The following TEP1 variants were observed in gnomAD, a reference collection of about 807,000 sequenced individuals.
The protein encoded by TEP1 is telomerase protein component 1.
TEP1 carries 241 observed loss-of-function variants against 306.3 expected under a neutral mutation model. The observed-to-expected ratio is 0.79, with a 90% CI of 0.71 to 0.88. The LOEUF (loss-of-function observed/expected upper bound fraction) is 0.88. TEP1 is among the 40% of genes least tolerant of loss of function. The pLI is 0.00. For synonymous variants in TEP1, 1,289 were observed against 1,305.5 expected (o/e 0.99, Z 0.27); for missense variants, 3,051 against 3,276.1 (o/e 0.93, Z 1.68).
chr14:20,381,648 C>T lies in TEP1; in HGVS notation c.4463G>A (p.Arg1488Gln), dbSNP rs746010165. Reference sequence around the variant, plus strand: ...CAGGGGCCCATCAGGGAGGCACAGCCGGGCACCAGGGCGCTCCAGAGGGCC... The same window carrying T: ...CAGGGGCCCATCAGGGAGGCACAGCTGGGCACCAGGGCGCTCCAGAGGGCC... ...GEGPLERPGARLCLPDGPLRT... is the reference protein window; with the variant it reads ...GEGPLERPGAQLCLPDGPLRT... Residue 1488 changes from arginine to glutamine, a missense_variant, in exon 31 of 55, where the codon CGG becomes CAG. Around this residue, in one of 3 missense-constraint regions of TEP1, gnomAD observed 1,540 missense variants for 1,705.9 expected, o/e 0.90. Coordinates refer to ENST00000262715, the MANE Select transcript of TEP1 (RefSeq NM_007110.5). This position sits in a 1 kb window ranked among gnomAD's most constrained non-coding sequence, Gnocchi z 4.0. The T allele has an allele frequency of 2.7e-5, 43 of 1,613,402 alleles. No individual in the cohort carries two copies. The highest frequency in any genetic ancestry group is 3.1e-5 in the Non-Finnish European group (37 of 1,179,782).
intron 1 of TEP1, among the ~76,000 whole-genome samples, chr14:20,412,722 T>C (rs117467335): frequency 0.011 from 1,602 of 148,352 alleles, 20 homozygotes; most frequent in Non-Finnish European, 0.017. Flanking sequence ...TCTGGCTCTG[T>C]TGTTCAGCTC....
intron 21 of TEP1, 100 bp from the exon 22 acceptor site, chr14:20,384,813 A>G: frequency 6.8e-7 from 1 of 1,478,052 alleles, no homozygotes; most frequent in East Asian, 2.3e-5. Context: ...AAGCTCCTCA[A>G]GTAGAGAGCT....
intron 19 of TEP1, 42 bp from the exon 20 acceptor site, chr14:20,386,237 CA>C (rs1022534083): frequency 5.0e-6 from 8 of 1,612,868 alleles, no homozygotes; most frequent in Non-Finnish European, 6.8e-6. Context: ...TCACTGGGGG[CA>C]TGGTATCAGG....
rs758597044 is a variant in TEP1, at chr14:20,395,881, G to A, written c.1728C>T (p.Leu576=). Residue 576 remains leucine, a synonymous_variant, in exon 11 of 55, where the codon CTC becomes CTT. Transcript: ENST00000262715. The stretch of plus-strand genomic sequence containing the variant: ...TACCTTGATTTCTGAGTTGAGCCTC[G>A]AGGGCATCAATGGCATCATGGGCGT... The part of the protein sequence containing the change: ...FLNAHDAIDA[L]EAQLRNQALP... 23 of 1,613,918 alleles carry A rather than the reference G, an allele frequency of 1.4e-5. No individual in the cohort carries two copies. The highest frequency in any genetic ancestry group is 5.0e-5 in the Admixed American group (3 of 59,972).
rs776465334 is a variant in TEP1, at chr14:20,381,977, C to T, written c.4360G>A (p.Ala1454Thr). ...GTKSWEEAVA[A>T]GNSGDPYPMG... ...GGGTAGGGGTCTCCACTGTTACCAG[C>T]AGCCACTGCTTCTTCCCAGCTCTTA... The change falls in exon 30 of 55, where the codon GCT becomes ACT. Residue 1454 changes from alanine (A) to threonine (T), a missense_variant. Around this residue, in one of 3 missense-constraint regions of TEP1, gnomAD observed 1,540 missense variants for 1,705.9 expected, o/e 0.90. Transcript: ENST00000262715. This position sits in a 1 kb window ranked among gnomAD's most constrained non-coding sequence, Gnocchi z 4.0. 4 of 1,614,172 alleles carry T rather than the reference C, an allele frequency of 2.5e-6. No homozygotes were observed. The Admixed American group carries it at 6.7e-5, about 27-fold the overall frequency.
chr14:20,378,249 G>T lies in TEP1; in HGVS notation c.5509-13C>A, dbSNP rs781627267. 1 of 1,613,534 alleles carries T rather than the reference G, an allele frequency of 6.2e-7. No homozygotes were observed. The highest frequency in any genetic ancestry group is 1.1e-5 in the South Asian group (1 of 91,076). ...GTGCCCCCAGGTCCTACACAGGGAG[G>T]TAGAAATGGAAACGTGAAGACCTGC... On this transcript the variant is annotated splice_polypyrimidine_tract_variant and intron_variant, in intron 38 of 54. Coordinates refer to ENST00000262715, the MANE Select transcript of TEP1 (RefSeq NM_007110.5).
In TEP1 at chr14:20,378,985, A is replaced by G. The variant is rs548825552; in HGVS notation, c.5248T>C (p.Cys1750Arg). The G allele has an allele frequency of 1.4e-3, 2,230 of 1,614,176 alleles. 44 individuals carry two copies. In the South Asian group the frequency reaches 0.023, roughly 16 times the overall value. ...CAAATGGGGAGGACCCCTTACCGAC[A>G]ACCATGCTGCAGGTCCCAGAGCTCC... ...LLELWDLQHG[C>R]RVLQTKAHQY... Residue 1750 changes from cysteine (C) to arginine (R), a missense_variant, in exon 36 of 55, where the codon TGT becomes CGT. Around this residue, in one of 3 missense-constraint regions of TEP1, gnomAD observed 1,540 missense variants for 1,705.9 expected, o/e 0.90. Transcript: ENST00000262715.
chr14:20,397,517 A>T (rs1188918137), intron 9 of TEP1, among the ~76,000 whole-genome samples: 2 of 152,224 alleles, frequency 1.3e-5, no homozygotes, highest in Non-Finnish European at 2.9e-5. Flanking sequence ...TCCAAAAAAA[A>T]AATTAAAAAA....
At chr14:20,412,350 A>G (rs1434259391) in intron 1 of TEP1, among the ~76,000 whole-genome samples, 1 of 152,164 alleles carries the variant, frequency 6.6e-6, no homozygotes, top group African/African-American at 2.4e-5. Flanking sequence ...AGACTGTCCT[A>G]TCCTTAAAAG....
At chr14:20,385,215 T>C in intron 20 of TEP1, 106 bp from the exon 21 acceptor site, 8 of 1,418,656 alleles carry the variant, frequency 5.6e-6, no homozygotes, top group Non-Finnish European at 7.7e-6. Context: ...TCCTCTCTCC[T>C]TCCCTCCAGG....
chr14:20,400,205 C>G (rs926498151), intron 9 of TEP1, among the ~76,000 whole-genome samples: 8 of 145,468 alleles, frequency 5.5e-5, no homozygotes, highest in Admixed American at 4.1e-4. Flanking sequence ...CCCCTTTATT[C>G]TACTCCACCC....
In TEP1 at chr14:20,373,288, G is replaced by C; in HGVS notation, c.6796C>G (p.Gln2266Glu). The C allele has an allele frequency of 2.5e-6, 4 of 1,614,142 alleles. No homozygotes were observed. The highest frequency in any genetic ancestry group is 3.4e-6 in the Non-Finnish European group (4 of 1,180,016). Residue 2266 changes from glutamine (Q) to glutamate (E), a missense_variant, in exon 47 of 55, where the codon CAG becomes GAG. By Grantham distance (29) the Gln-to-Glu change is conservative (BLOSUM62 2). This residue lies in a region of TEP1 where 1,540 missense variants were observed against 1,705.9 expected (regional missense o/e 0.90). Transcript: ENST00000262715. ...CACTCACCTGCTTCCTTAGGAACCT[G>C]CCAGAGCCGTACAGAACCATCCTCA... Reference protein sequence around the residue: ...ASEDGSVRLWQVPKEADDTCI... With the variant: ...ASEDGSVRLWEVPKEADDTCI...
rs1876485064 is a variant in TEP1, at chr14:20,381,100, C to T, written c.4648-55G>A. On this transcript the variant is annotated intron_variant, in intron 32 of 54. Transcript: ENST00000262715. The surrounding 1 kb of genome is among the most constrained non-coding windows in gnomAD (Gnocchi z 4.0). ...ATATGAAGGGGCTGGTGAGAAGGGACAGTTTAGTCTCAGAACCTGGATACA... is the reference window on the plus strand; with the variant it reads ...ATATGAAGGGGCTGGTGAGAAGGGATAGTTTAGTCTCAGAACCTGGATACA... The T allele has an allele frequency of 6.9e-7, 1 of 1,446,014 alleles. No homozygotes were observed. Among genetic ancestry groups the T allele is most frequent in the Admixed American group, 1.7e-5 (1 of 58,932 alleles). 89.6% of individuals were successfully genotyped at this position (1,446,014 alleles called of 1,614,324 possible).
intron 12 of TEP1, 67 bp downstream of exon 12, chr14:20,395,383 T>A (rs1878108544): frequency 1.4e-6 from 2 of 1,441,678 alleles, no homozygotes. Flanking sequence ...GATTCCCAGA[T>A]GACTTCCAAC....
rs896896480 is a variant in TEP1, at chr14:20,381,758, C to A, written c.4425-72G>T. On this transcript the variant is annotated intron_variant, in intron 30 of 54. Transcript: ENST00000262715. This position sits in a 1 kb window ranked among gnomAD's most constrained non-coding sequence, Gnocchi z 4.0. The stretch of plus-strand genomic sequence containing the variant: ...AGTGAGCTTCCTGGCACACAGTGGG[C>A]TCCTATTCCCCCCTCAAATAGCGGA... 9 of 1,535,230 alleles carry A rather than the reference C, an allele frequency of 5.9e-6. No individual in the cohort carries two copies. The highest frequency in any genetic ancestry group is 7.9e-6 in the Non-Finnish European group (9 of 1,145,194).
At chr14:20,411,820 A>T (rs1366398667) in intron 1 of TEP1, among the ~76,000 whole-genome samples, 1 of 152,142 alleles carries the variant, frequency 6.6e-6, no homozygotes, top group Non-Finnish European at 1.5e-5. Context: ...ACCATCAGGA[A>T]CCTATTTTCT....
Position 20,391,620 on chromosome 14 carries a change from A to T in TEP1, c.2076T>A (p.Cys692Ter), listed in dbSNP as rs779291569. The T allele has an allele frequency of 2.5e-6, 4 of 1,613,890 alleles. No homozygotes were observed. Among genetic ancestry groups the T allele is most frequent in the Non-Finnish European group, 3.4e-6 (4 of 1,179,946 alleles). Residue 692 changes from cysteine to a stop codon, truncating the protein, a stop_gained, in exon 13 of 55, where the codon TGT becomes TGA. Transcript: ENST00000262715. LOFTEE classifies it high-confidence loss of function. ...YLTDANADRL[C>*]PKSNPQGPPL... Reference sequence around the variant, plus strand: ...TTACCCCTTGTGGGTTGCTCTTTGGACAGAGCCTGTCTGCATTAGCATCTG... The same window carrying T: ...TTACCCCTTGTGGGTTGCTCTTTGGTCAGAGCCTGTCTGCATTAGCATCTG...
In TEP1 at chr14:20,380,063, G is replaced by A. The variant is rs763572873; in HGVS notation, c.5004-10C>T. The A allele has an allele frequency of 2.7e-5, 44 of 1,607,776 alleles. No homozygotes were observed. The highest frequency in any genetic ancestry group is 3.5e-5 in the Non-Finnish European group (41 of 1,178,132). ...CAGAGACAGGCTGGAGCTAGAGAAA[G>A]AGTAGGAAGAAAGGGAGGAAATAAA... is the stretch of plus-strand genomic sequence containing the variant. On this transcript the variant is annotated splice_polypyrimidine_tract_variant and intron_variant, in intron 34 of 54. Transcript: ENST00000262715.
chr14:20,372,380 A>ATGTGTG (rs59329010), intron 49 of TEP1, among the ~76,000 whole-genome samples: 9,328 of 139,540 alleles, frequency 0.067, 381 homozygotes, highest in Middle Eastern at 0.091. Flanking sequence ...GTGTGTGTGT[A>ATGTGTG]TGTGTGTGTG....
Sources: allele counts gnomAD v4.1 joint callset (sites outside exome capture counted in the v4.1 genomes callset), GRCh38; gene constraint gnomAD v4.1.1; regional missense constraint gnomAD v4.1.1; non-coding constraint Gnocchi (gnomAD v3.1); transcripts MANE v1.5; gene names NCBI Gene and HGNC (gene_info 2026-07-23, HGNC 2026-07-21).